The following EPC2 variants were observed in gnomAD, a reference collection of about 807,000 sequenced individuals.
The protein encoded by EPC2 is enhancer of polycomb homolog 2.
A neutral mutation model predicts 92.1 loss-of-function variants in EPC2; 14 were observed. The ratio of observed to expected loss-of-function variants is 0.15; its 90% CI spans 0.10 to 0.24. The LOEUF (loss-of-function observed/expected upper bound fraction) is 0.24, where lower values mean the gene tolerates loss of function less well. Among genes scored for constraint, EPC2 ranks in the 10% least tolerant of loss-of-function variants. The pLI is 1.00. For missense variants in EPC2, 755 were observed against 971.5 expected, an observed-to-expected ratio of 0.78 and a Z score of 2.96; for synonymous variants, 340 against 334.7, an observed-to-expected ratio of 1.02 and a Z score of -0.17.
At chr2:148,774,624 T>TATTTTATATATATATATA (rs935978031) in intron 10 of EPC2, among the ~76,000 whole-genome samples, 7 of 132,574 alleles carry the variant, frequency 5.3e-5, no homozygotes, top group African/African-American at 1.9e-4. Context: ...AAAATATATT[T>TATTTTATATATATATATA]TATATATATA....
At position 148,645,234 on chromosome 2, in the gene EPC2, C is replaced by T. The variant is rs921352769; in HGVS notation, c.153+64C>T. 5.5e-5 allele frequency: 77 copies of T among 1,398,494 alleles called. No homozygotes were observed. The East Asian group carries it at 1.8e-3, about 33-fold the overall frequency. The allele number at this position is 1,398,494 out of a possible 1,614,324, so 86.6% of individuals were successfully genotyped here. A position where few individuals can be genotyped will look rare whatever the true frequency, so the allele number is the denominator to read the frequency against. Reference sequence around the variant, plus strand: ...CCCCCCTCCCCTTTGTCAGTCGGGCCTCGCCATTCACAGAGCGCTTTACGC... The same window carrying T: ...CCCCCCTCCCCTTTGTCAGTCGGGCTTCGCCATTCACAGAGCGCTTTACGC... On this transcript the variant is annotated intron_variant, in intron 1 of 13. Coordinates refer to ENST00000258484, the MANE Select transcript of EPC2 (RefSeq NM_015630.4).
At chr2:148,769,126 T>C in intron 7 of EPC2, 25 bp from the exon 8 acceptor site, 1 of 1,527,508 alleles carries the variant, frequency 6.5e-7, no homozygotes, top group Non-Finnish European at 9.0e-7. Context: ...TGATAACTTC[T>C]AAATGGAATG....
chr2:148,732,343 G>A (rs1031642354), intron 2 of EPC2, among the ~76,000 whole-genome samples: 12 of 151,026 alleles, frequency 7.9e-5, no homozygotes, highest in Non-Finnish European at 1.6e-4. Context: ...GTTTGTCTCA[G>A]CACCCACAAG....
chr2:148,718,276 C>T (rs1682298496), intron 2 of EPC2, among the ~76,000 whole-genome samples: 1 of 152,004 alleles, frequency 6.6e-6, no homozygotes, highest in Non-Finnish European at 1.5e-5. Context: ...GGATTTGATT[C>T]TCTCATCATG....
Position 148,783,469 on chromosome 2 carries a change from G to A in EPC2, c.1858-128G>A, listed in dbSNP as rs529348447. On this transcript the variant is annotated intron_variant, in intron 11 of 13. Coordinates refer to ENST00000258484, the MANE Select transcript of EPC2 (RefSeq NM_015630.4). ...AAAATCATCTATGGAATCGTAGATC[G>A]CTTAATCTAAACACTTGTAATTGTT... 1.8e-4 allele frequency: 143 copies of A among 790,464 alleles called. 1 individual carries two copies. Among genetic ancestry groups the A allele is most frequent in the African/African-American group, 4.1e-4 (24 of 57,914 alleles). The allele number at this position is 790,464 out of a possible 1,614,324, so 49.0% of individuals were successfully genotyped here.
At chr2:148,731,019 A>T (rs1032649609) in intron 2 of EPC2, among the ~76,000 whole-genome samples, 1 of 152,120 alleles carries the variant, frequency 6.6e-6, no homozygotes, top group Admixed American at 6.5e-5. Flanking sequence ...GCAGTTAAGG[A>T]TATCCTCTCT....
At position 148,784,944 on chromosome 2, in the gene EPC2, C is replaced by T; in HGVS notation, c.2294C>T (p.Ala765Val). Residue 765 changes from alanine to valine, a missense_variant, in exon 13 of 14, where the codon GCC (alanine) becomes GTC (valine). Ala to Val is a moderately conservative substitution (Grantham distance 64, BLOSUM62 0). Around this residue, in one of 4 missense-constraint regions of EPC2, gnomAD observed 207 missense variants for 260.5 expected, o/e 0.79. Transcript: ENST00000258484. ...GCCTTAAAACTTGCCACAGTTGCTG[C>T]CAGTATGGACAGAGTGCCAAAGGTT... is the stretch of plus-strand genomic sequence containing the variant. Reference protein sequence around the residue: ...PTALKLATVAASMDRVPKVTP... With the variant: ...PTALKLATVAVSMDRVPKVTP... 1 of 1,564,404 alleles carries T rather than the reference C, an allele frequency of 6.4e-7. No homozygotes were observed.
intron 2 of EPC2, among the ~76,000 whole-genome samples, chr2:148,726,978 A>C (rs1682512395): frequency 6.6e-6 from 1 of 151,738 alleles, no homozygotes; most frequent in African/African-American, 2.4e-5. Context: ...TGGTGCTTTA[A>C]TGTCATATCC....
chr2:148,662,216 G>A (rs539787177), intron 1 of EPC2, among the ~76,000 whole-genome samples: 7 of 152,254 alleles, frequency 4.6e-5, no homozygotes, highest in Non-Finnish European at 1.0e-4. Context: ...TACACTGTTG[G>A]TGGGAGTGTA....
chr2:148,699,300 G>C (rs1428003356), intron 2 of EPC2, among the ~76,000 whole-genome samples: 1 of 152,124 alleles, frequency 6.6e-6, no homozygotes, highest in East Asian at 1.9e-4. Context: ...AGCTAATGAT[G>C]TTATTAAAGT....
In EPC2 at chr2:148,709,268, T is replaced by C. The variant is rs574017469; in HGVS notation, c.313+18895T>C. ...AATTGCTTCAAAGAGAATAAAATACTTAGGAATCCAACTTACAAGGGATGT... is the reference window on the plus strand; with the variant it reads ...AATTGCTTCAAAGAGAATAAAATACCTAGGAATCCAACTTACAAGGGATGT... On this transcript the variant is annotated intron_variant, in intron 2 of 13. Coordinates refer to ENST00000258484, the MANE Select transcript of EPC2 (RefSeq NM_015630.4). 5.1e-4 allele frequency among the ~76,000 whole-genome samples: 77 copies of C among 152,016 alleles called. 2 individuals are homozygous for C. Among genetic ancestry groups the C allele is most frequent in the Non-Finnish European group, 9.0e-4 (61 of 67,936 alleles).
At position 148,740,595 on chromosome 2, in the gene EPC2, G is replaced by C. The variant is rs1052654064; in HGVS notation, c.314-3027G>C. ...CCCCTGCCTCACAAGCTGGGGTGCTGGCTTTTGTAAGAATAGAATAAGAAG... is the reference window on the plus strand; with the variant it reads ...CCCCTGCCTCACAAGCTGGGGTGCTCGCTTTTGTAAGAATAGAATAAGAAG... On this transcript the variant is annotated intron_variant, in intron 2 of 13. Transcript: ENST00000258484. 6.6e-5 allele frequency among the ~76,000 whole-genome samples: 10 copies of C among 152,108 alleles called. 1 individual carries two copies. In the East Asian group the frequency reaches 1.9e-3, roughly 29 times the overall value.
chr2:148,778,015 G>A (rs1683679910), intron 10 of EPC2, among the ~76,000 whole-genome samples: 2 of 152,254 alleles, frequency 1.3e-5, no homozygotes, highest in African/African-American at 2.4e-5. Context: ...TGCCAAATGT[G>A]TTATATAGAA....
chr2:148,710,909 A>G (rs1164551148), intron 2 of EPC2, among the ~76,000 whole-genome samples: 7 of 152,052 alleles, frequency 4.6e-5, no homozygotes, highest in Admixed American at 3.3e-4. Flanking sequence ...GAGAGTTCCC[A>G]TATACCTCCT....
In EPC2 at chr2:148,771,143, C is replaced by T. The variant is rs1354608125; in HGVS notation, c.1476C>T (p.Asp492=). The change falls in exon 10 of 14, where the codon GAC becomes GAT. Residue 492 remains aspartate (D), a synonymous_variant. Transcript: ENST00000258484. ...NSFSSSSQTI[D]FSSNFSRTNA... ...TTTCAAGCTCTTCCCAAACTATAGACTTTTCTTCTAATTTCTCTCGGACCA... is the reference window on the plus strand; with the variant it reads ...TTTCAAGCTCTTCCCAAACTATAGATTTTTCTTCTAATTTCTCTCGGACCA... 6.2e-7 allele frequency: 1 copy of T among 1,613,956 alleles called. No homozygotes were observed. Among genetic ancestry groups the T allele is most frequent in the Non-Finnish European group, 8.5e-7 (1 of 1,179,854 alleles).
At chr2:148,723,989 T>C (rs1682435384) in intron 2 of EPC2, among the ~76,000 whole-genome samples, 1 of 152,122 alleles carries the variant, frequency 6.6e-6, no homozygotes, top group Non-Finnish European at 1.5e-5. Flanking sequence ...TTTGACAGAA[T>C]GGACTTTAAT....
At chr2:148,669,357 T>C (rs1681111566) in intron 1 of EPC2, among the ~76,000 whole-genome samples, 1 of 152,178 alleles carries the variant, frequency 6.6e-6, no homozygotes, top group African/African-American at 2.4e-5. Flanking sequence ...TAAATGTCCT[T>C]GAGCTTTGTT....
chr2:148,691,429 T>G, intron 2 of EPC2: 3 of 1,309,768 alleles, frequency 2.3e-6, no homozygotes, highest in Non-Finnish European at 2.1e-6. Flanking sequence ...GTCTGGTGAT[T>G]TGTATTTTTA....
chr2:148,781,228 A>G (rs1683740691), intron 10 of EPC2, among the ~76,000 whole-genome samples: 1 of 152,212 alleles, frequency 6.6e-6, no homozygotes. Flanking sequence ...AAAATCATTT[A>G]TAGTCTTGCA....
Sources: allele counts gnomAD v4.1 joint callset (sites outside exome capture counted in the v4.1 genomes callset), GRCh38; gene constraint gnomAD v4.1.1; regional missense constraint gnomAD v4.1.1; transcripts MANE v1.5; gene names NCBI Gene and HGNC (gene_info 2026-07-23, HGNC 2026-07-21).